Variants in ARHGAP31 observed in about 807,000 individuals in gnomAD.
ARHGAP31 encodes the protein Rho GTPase activating protein 31, also known as rho GTPase-activating protein 31.
Under a neutral mutation model 113.9 loss-of-function variants are expected in ARHGAP31, and 34 were observed. That is an observed-to-expected ratio of 0.30 (90% confidence interval 0.23 to 0.40). ARHGAP31 has a LOEUF of 0.40. Ranked by LOEUF, ARHGAP31 falls within the 10% of genes least tolerant of loss-of-function variation. The pLI is 1.00. For missense variants in ARHGAP31, 1,548 were observed against 1,767.1 expected (o/e 0.88, Z 2.22); for synonymous variants, 650 against 684.8 (o/e 0.95, Z 0.79).
At chr3:119,300,532 C>T (rs567625927) in intron 1 of ARHGAP31, among the ~76,000 whole-genome samples, 27 of 152,182 alleles carry the variant, frequency 1.8e-4, no homozygotes, top group South Asian at 6.2e-4. Flanking sequence ...CTCAAAAGGC[C>T]TAAGACACAG....
chr3:119,382,437 G>T, intron 5 of ARHGAP31, 38 bp downstream of exon 5: 1 of 1,576,942 alleles, frequency 6.3e-7, no homozygotes, highest in Non-Finnish European at 8.7e-7. Flanking sequence ...CAGCCCAGGG[G>T]GCTCAGAGCA....
At chr3:119,376,068 G>A (rs967530167) in intron 3 of ARHGAP31, among the ~76,000 whole-genome samples, 5 of 151,874 alleles carry the variant, frequency 3.3e-5, no homozygotes, top group Non-Finnish European at 7.4e-5. Context: ...TAAGCTTCCC[G>A]AGGACAGGAA....
intron 5 of ARHGAP31, 36 bp downstream of exon 5, chr3:119,382,435 G>A (rs1237663823): frequency 2.5e-6 from 4 of 1,585,864 alleles, no homozygotes; most frequent in Admixed American, 3.3e-5. Flanking sequence ...ACCAGCCCAG[G>A]GGGCTCAGAG....
chr3:119,374,887 A>C (rs1292061813), intron 3 of ARHGAP31, among the ~76,000 whole-genome samples: 1 of 152,246 alleles, frequency 6.6e-6, no homozygotes, highest in Non-Finnish European at 1.5e-5. Flanking sequence ...ATAGTGACAC[A>C]AAAACAGACA....
At chr3:119,372,593 T>C (rs1324984235) in intron 3 of ARHGAP31, among the ~76,000 whole-genome samples, 1 of 152,144 alleles carries the variant, frequency 6.6e-6, no homozygotes, top group Non-Finnish European at 1.5e-5. Flanking sequence ...TATTTTTGAC[T>C]TTTTAGTAAT....
chr3:119,378,701 T>TGGCTCCCC (rs1208808752), intron 3 of ARHGAP31, among the ~76,000 whole-genome samples: 2 of 151,822 alleles, frequency 1.3e-5, no homozygotes, highest in African/African-American at 2.4e-5. Context: ...TTCTCTCCCT[T>TGGCTCCCC]GGCTCCCCGG....
At chr3:119,326,337 G>A (rs931654850) in intron 1 of ARHGAP31, among the ~76,000 whole-genome samples, 1 of 152,030 alleles carries the variant, frequency 6.6e-6, no homozygotes, top group Non-Finnish European at 1.5e-5. Flanking sequence ...TTAGGGTCTG[G>A]TACAGTCAGC....
At chr3:119,308,493 G>A (rs747609591) in intron 1 of ARHGAP31, among the ~76,000 whole-genome samples, 7 of 152,140 alleles carry the variant, frequency 4.6e-5, no homozygotes, top group Non-Finnish European at 8.8e-5. Flanking sequence ...TGTCTTCAAA[G>A]CCAACCATAT....
chr3:119,342,048 C>T (rs1487139057), intron 1 of ARHGAP31: 1 of 152,168 alleles, frequency 6.6e-6, no homozygotes, highest in African/African-American at 2.4e-5. Flanking sequence ...TGGTCCCCAC[C>T]ACTTTTTTAT....
chr3:119,299,941 C>G (rs2079565876), intron 1 of ARHGAP31, among the ~76,000 whole-genome samples: 1 of 152,214 alleles, frequency 6.6e-6, no homozygotes, highest in African/African-American at 2.4e-5. Context: ...TCCTTTCCAG[C>G]AGCTTGCCTG....
At position 119,413,900 on chromosome 3, in the gene ARHGAP31, A is replaced by G; in HGVS notation, c.1971A>G (p.Gln657=). The G allele has an allele frequency of 6.2e-7, 1 of 1,614,208 alleles. No homozygotes were observed. Among genetic ancestry groups the G allele is most frequent in the Non-Finnish European group, 8.5e-7 (1 of 1,180,030 alleles). ...LANALIWPEI[Q]QELKIIESEE... Reference sequence around the variant, plus strand: ...ATGCCCTGATCTGGCCTGAGATTCAACAGGAGCTGAAAATCATTGAATCTG... The same window carrying G: ...ATGCCCTGATCTGGCCTGAGATTCAGCAGGAGCTGAAAATCATTGAATCTG... The change falls in exon 12 of 12, where the codon CAA becomes CAG. Residue 657 remains glutamine (Q), a synonymous_variant. Coordinates refer to ENST00000264245, the MANE Select transcript of ARHGAP31 (RefSeq NM_020754.4).
intron 1 of ARHGAP31, among the ~76,000 whole-genome samples, chr3:119,302,588 A>G (rs1162185597): frequency 6.6e-6 from 1 of 152,230 alleles, no homozygotes; most frequent in Non-Finnish European, 1.5e-5. Context: ...CACTTTATAC[A>G]TGCAAAGTAA....
chr3:119,297,090 T>C (rs1022033947), intron 1 of ARHGAP31, among the ~76,000 whole-genome samples: 6 of 152,256 alleles, frequency 3.9e-5, no homozygotes, highest in African/African-American at 1.4e-4. Context: ...ATCCACACAC[T>C]GTTATTGTGC....
intron 6 of ARHGAP31, among the ~76,000 whole-genome samples, chr3:119,387,238 C>G (rs2080460510): frequency 6.6e-6 from 1 of 152,244 alleles, no homozygotes; most frequent in Non-Finnish European, 1.5e-5. Context: ...CCAAGGAGCC[C>G]TTCTGCTGGC....
At chr3:119,312,647 T>C (rs1340525783) in intron 1 of ARHGAP31, among the ~76,000 whole-genome samples, 1 of 152,232 alleles carries the variant, frequency 6.6e-6, no homozygotes, top group Non-Finnish European at 1.5e-5. Context: ...AACAATGTGA[T>C]TTATAAAGTA....
chr3:119,386,373 G>C (rs982636102), intron 6 of ARHGAP31, among the ~76,000 whole-genome samples: 6 of 152,190 alleles, frequency 3.9e-5, no homozygotes, highest in Admixed American at 3.9e-4. Flanking sequence ...TGTCTGGTGA[G>C]GGCCCATACA....
chr3:119,409,725 C>A lies in ARHGAP31; in HGVS notation c.1875C>A (p.Thr625=), dbSNP rs916331083. 9 of 1,609,196 alleles carry A rather than the reference C, an allele frequency of 5.6e-6. No individual in the cohort carries two copies. Among genetic ancestry groups the A allele is most frequent in the Non-Finnish European group, 6.8e-6 (8 of 1,178,184 alleles). Residue 625 remains threonine, a synonymous_variant, in exon 11 of 12, where the codon ACC becomes ACA. Coordinates refer to ENST00000264245, the MANE Select transcript of ARHGAP31 (RefSeq NM_020754.4). ...GREAGEMESS[T]LQESPRARAE... is the part of the protein sequence containing the mutation. ...AGGCTGGTGAGATGGAGTCCAGCAC[C>A]CTGCAGGAGAGCCCCAGGGCCAGAG...
At chr3:119,397,977 T>C (rs180821330) in intron 8 of ARHGAP31, among the ~76,000 whole-genome samples, 5 of 152,380 alleles carry the variant, frequency 3.3e-5, no homozygotes, top group African/African-American at 1.2e-4. Flanking sequence ...CTCTATTTTT[T>C]CTCATTTTAC....
chr3:119,319,543 A>G (rs544173853), intron 1 of ARHGAP31, among the ~76,000 whole-genome samples: 1 of 152,288 alleles, frequency 6.6e-6, no homozygotes, highest in African/African-American at 2.4e-5. Flanking sequence ...CCCACCTTCC[A>G]TCTAGATGCC....
Sources: gnomAD v4.1 joint callset for allele counts (sites outside exome capture counted in the v4.1 genomes callset) on GRCh38, gnomAD v4.1.1 for gene constraint, MANE v1.5 for transcripts, NCBI Gene and HGNC (gene_info 2026-07-23, HGNC 2026-07-21) for gene names.